ALS2: variants seen among roughly 807,000 people sequenced by gnomAD.
The protein encoded by ALS2 is alsin.
A neutral mutation model predicts 203.4 loss-of-function variants in ALS2; 117 were observed. That is an observed-to-expected ratio of 0.58 (90% CI 0.50 to 0.67). ALS2 has a LOEUF of 0.67. Ranked by LOEUF, ALS2 falls within the 30% of genes least tolerant of loss-of-function variation. The pLI is 0.00. For missense variants in ALS2, 1,715 were observed against 1,989.4 expected (o/e 0.86, Z 2.62); for synonymous variants, 718 against 725.9 (o/e 0.99, Z 0.17).
chr2:201,723,966 A>T (rs1401412499), intron 21 of ALS2, among the ~76,000 whole-genome samples: 1 of 152,044 alleles, frequency 6.6e-6, no homozygotes, highest in East Asian at 1.9e-4. Context: ...AAAATACAAA[A>T]AATTAACTGG....
intron 16 of ALS2, 143 bp downstream of exon 16, chr2:201,727,562 G>A: frequency 1.3e-6 from 1 of 763,332 alleles, no homozygotes; most frequent in Non-Finnish European, 2.2e-6. Context: ...CTACTTTACT[G>A]TCTAATGTGC....
At chr2:201,748,132 C>T (rs1389538314) in intron 8 of ALS2, among the ~76,000 whole-genome samples, 2 of 152,064 alleles carry the variant, frequency 1.3e-5, no homozygotes, top group Non-Finnish European at 2.9e-5. Context: ...CCTGGACTGA[C>T]GAACAACCCC....
chr2:201,742,909 TAAAAATAC>T (rs946438487), intron 10 of ALS2, among the ~76,000 whole-genome samples: 6 of 151,534 alleles, frequency 4.0e-5, no homozygotes, highest in African/African-American at 1.5e-4. Context: ...CCGTCTCTAT[TAAAAATAC>T]AAAAATTAGC....
chr2:201,765,256 A>G (rs1469532862), intron 3 of ALS2: 1 of 152,190 alleles, frequency 6.6e-6, no homozygotes, highest in African/African-American at 2.4e-5. Flanking sequence ...TTGAACCCCT[A>G]GGCTCAAGGG....
At chr2:201,740,875 A>T (rs748282085) in intron 11 of ALS2, among the ~76,000 whole-genome samples, 2 of 152,034 alleles carry the variant, frequency 1.3e-5, no homozygotes, top group Non-Finnish European at 2.9e-5. Context: ...CAAAACACGA[A>T]CTCCCTGAGG....
intron 12 of ALS2, among the ~76,000 whole-genome samples, chr2:201,738,201 A>G (rs2106034483): frequency 6.6e-6 from 1 of 152,334 alleles, no homozygotes; most frequent in Non-Finnish European, 1.5e-5. Context: ...TGCTGGGTCA[A>G]CACTTGTTGA....
intron 1 of ALS2, chr2:201,778,531 G>A (rs1244990633): frequency 6.6e-6 from 1 of 152,060 alleles, no homozygotes; most frequent in Non-Finnish European, 1.5e-5. Context: ...AAGAGACAGG[G>A]AAAGGAAAAT....
Position 201,707,984 on chromosome 2 carries a change from A to G in ALS2, c.4288T>C (p.Phe1430Leu). Residue 1430 changes from phenylalanine (F) to leucine (L), a missense_variant, in exon 28 of 34, where the codon TTT becomes CTT. Physicochemically the swap from Phe to Leu is conservative, Grantham distance 22. Coordinates refer to ENST00000264276, the MANE Select transcript of ALS2 (RefSeq NM_020919.4). ...CTGCCTTCTTCAGGCAGCTCAGGAA[A>G]TAAGAACCTAAGGAAGAATAAAAAA... ...KRIFQLVRFL[F>L]PELPEEGSTI... The G allele has an allele frequency of 6.2e-7, 1 of 1,612,242 alleles. No homozygotes were observed. Among genetic ancestry groups the G allele is most frequent in the Non-Finnish European group, 8.5e-7 (1 of 1,178,806 alleles).
intron 13 of ALS2, 99 bp from the exon 14 acceptor site, chr2:201,729,282 G>GTC: frequency 1.4e-6 from 2 of 1,386,244 alleles, no homozygotes; most frequent in Non-Finnish European, 2.0e-6. Context: ...AGTATTAAAT[G>GTC]TAGGAGAAAA....
chr2:201,707,784 A>G, intron 28 of ALS2, 85 bp downstream of exon 28: 2 of 1,541,680 alleles, frequency 1.3e-6, no homozygotes, highest in Non-Finnish European at 8.9e-7. Flanking sequence ...AGATCTAGAG[A>G]ACACACTTTC....
chr2:201,710,389 G>A (rs1367807778), intron 26 of ALS2, among the ~76,000 whole-genome samples: 1 of 150,476 alleles, frequency 6.6e-6, no homozygotes, highest in African/African-American at 2.4e-5. Context: ...TTGAGCTCAG[G>A]AGTTTGAGGC....
rs1410517384 is a variant in ALS2, at chr2:201,704,218, C to T, written c.4839G>A (p.Arg1613=). 5.6e-6 allele frequency: 9 copies of T among 1,613,218 alleles called. No homozygotes were observed. In the East Asian group the frequency reaches 2.0e-4, roughly 36 times the overall value. Reference sequence around the variant, plus strand: ...GTACCTCAGAGCCTAAATTCCTAATCCTGCCCCAGAGAGAAAAAGATGCTG... The same window carrying T: ...GTACCTCAGAGCCTAAATTCCTAATTCTGCCCCAGAGAGAAAAAGATGCTG... ...PVFLYVVLRA[R]IRNLGSEVHL... The change falls in exon 33 of 34, where the codon AGG becomes AGA. Residue 1613 remains arginine (R), a splice_region_variant and synonymous_variant. Transcript: ENST00000264276.
At position 201,754,631 on chromosome 2, in the gene ALS2, C is replaced by T. The variant is rs201168252; in HGVS notation, c.1512G>A (p.Thr504=). The change falls in exon 6 of 34, where the codon ACG becomes ACA. Residue 504 remains threonine (T), a synonymous_variant. Transcript: ENST00000264276. ...ATGTGGGGGTCAGAACCACTGTCCT[C>T]GTTTTCACCCGTGCAGCCTTTCTTA... The part of the protein sequence containing the change: ...RLLRKAARVK[T]RTVVLTPTYS... The T allele has an allele frequency of 4.3e-6, 7 of 1,614,134 alleles. No homozygotes were observed. In the South Asian group the frequency reaches 4.4e-5, roughly 10 times the overall value.
intron 1 of ALS2, among the ~76,000 whole-genome samples, chr2:201,771,341 G>T (rs1181420516): frequency 6.6e-6 from 1 of 151,998 alleles, no homozygotes; most frequent in Non-Finnish European, 1.5e-5. Flanking sequence ...GCCACCTTGA[G>T]CCACCGCGCC....
In ALS2 at chr2:201,727,749, CA is replaced by C; in HGVS notation, c.2867del (p.Leu956ArgfsTer16). On this transcript the variant is annotated frameshift_variant, in exon 16 of 34. Transcript: ENST00000264276. LOFTEE classifies it high-confidence loss of function. The stretch of plus-strand genomic sequence containing the variant: ...ACAGTGGCTCTGCCCACAGCGTGGC[CA>C]GAGGGAAAACATGGTGCGTGGAGAA... ...AQFSTHHVFPLATLWAEPLSE... is the reference protein window; with the variant it reads ...AQFSTHHVFPXATLWAEPLSE... 1 of 1,551,652 alleles carries C rather than the reference CA, an allele frequency of 6.4e-7. No individual in the cohort carries two copies. Among genetic ancestry groups the C allele is most frequent in the Non-Finnish European group, 8.7e-7 (1 of 1,146,998 alleles).
intron 11 of ALS2, 159 bp downstream of exon 11, chr2:201,741,515 C>A: frequency 1.4e-6 from 1 of 727,474 alleles, no homozygotes; most frequent in African/African-American, 1.8e-5. Context: ...TAAATTTTAG[C>A]AATCCAGAAC....
In ALS2 at chr2:201,705,401, G is replaced by T; in HGVS notation, c.4626+15C>A. 1.2e-6 allele frequency: 2 copies of T among 1,613,208 alleles called. No homozygotes were observed. The highest frequency in any genetic ancestry group is 1.7e-6 in the Non-Finnish European group (2 of 1,179,248). On this transcript the variant is annotated intron_variant, in intron 30 of 33. Transcript: ENST00000264276. ...AGAAAAGCATATTTGCTGAGGAAAA[G>T]AAAATCTACTATACCTTTTTACTCT...
At chr2:201,721,225 T>C (rs373744884) in intron 23 of ALS2, among the ~76,000 whole-genome samples, 2 of 152,230 alleles carry the variant, frequency 1.3e-5, no homozygotes, top group Admixed American at 6.5e-5. Context: ...AATATTAAGA[T>C]GGCAATTCTC....
At position 201,761,086 on chromosome 2, in the gene ALS2, G is replaced by C. The variant is rs1438326872; in HGVS notation, c.908C>G (p.Thr303Ser). The change falls in exon 4 of 34, where the codon ACT becomes AGT. Residue 303 changes from threonine to serine, a missense_variant. Coordinates refer to ENST00000264276, the MANE Select transcript of ALS2 (RefSeq NM_020919.4). ...TLVANDQSVA[T>S]ELNAVSAQIT... Reference sequence around the variant, plus strand: ...CTGAGCACTTACTGCATTCAGTTCAGTAGCAACAGACTGATCATTTGCTAC... The same window carrying C: ...CTGAGCACTTACTGCATTCAGTTCACTAGCAACAGACTGATCATTTGCTAC... 6.2e-6 allele frequency: 10 copies of C among 1,614,068 alleles called. No homozygotes were observed. Among genetic ancestry groups the C allele is most frequent in the Non-Finnish European group, 8.5e-6 (10 of 1,180,040 alleles).
Sources: gnomAD v4.1 joint callset for allele counts (sites outside exome capture counted in the v4.1 genomes callset) on GRCh38, gnomAD v4.1.1 for gene constraint, MANE v1.5 for transcripts, NCBI Gene and HGNC (gene_info 2026-07-23, HGNC 2026-07-21) for gene names.